WFDC6: variants seen among roughly 807,000 people sequenced by gnomAD.
The protein encoded by WFDC6 is WAP four-disulfide core domain protein 6.
In WFDC6, 10 loss-of-function variants were observed where a neutral mutation model predicts 8.2. The ratio of observed to expected loss-of-function variants is 1.22; its 90% CI spans 0.75 to 2.07. The LOEUF (loss-of-function observed/expected upper bound fraction) is 2.07. Ranked by LOEUF, WFDC6 falls within the 30% of genes most tolerant of loss-of-function variation. WFDC6 has a pLI of 0.00. For synonymous variants in WFDC6, 28 were observed against 37.0 expected, an observed-to-expected ratio of 0.76 and a Z score of 0.88; for missense variants, 105 against 104.9, an observed-to-expected ratio of 1.00 and a Z score of 0.00.
Position 45,534,515 on chromosome 20 carries a change from A to T in WFDC6, c.223-10T>A. 2 of 1,613,900 alleles carry T rather than the reference A, an allele frequency of 1.2e-6. No individual in the cohort carries two copies. The highest frequency in any genetic ancestry group is 1.7e-6 in the Non-Finnish European group (2 of 1,179,858). On this transcript the variant is annotated splice_polypyrimidine_tract_variant and intron_variant, in intron 2 of 2. Coordinates refer to ENST00000372670, the MANE Select transcript of WFDC6 (RefSeq NM_080827.2). ...ATAAAGTAAGGCTGACCTGTGAAGCAGAAGAATAAAGGGTGAGATGCTTGG... is the reference window on the plus strand; with the variant it reads ...ATAAAGTAAGGCTGACCTGTGAAGCTGAAGAATAAAGGGTGAGATGCTTGG...
At position 45,538,149 on chromosome 20, in the gene WFDC6, C is replaced by T. The variant is rs371008884; in HGVS notation, c.92-55G>A. 2.6e-4 allele frequency: 412 copies of T among 1,611,326 alleles called. No individual in the cohort carries two copies. In the African/African-American group the frequency reaches 4.0e-3, roughly 16 times the overall value. Reference sequence around the variant, plus strand: ...GGCCTTAAAGGAGCCAGTGCTCCCCCTCCCCGAGACCAGGGCACCCCTCCA... The same window carrying T: ...GGCCTTAAAGGAGCCAGTGCTCCCCTTCCCCGAGACCAGGGCACCCCTCCA... On this transcript the variant is annotated intron_variant, in intron 1 of 2. Coordinates refer to ENST00000372670, the MANE Select transcript of WFDC6 (RefSeq NM_080827.2).
intron 2 of WFDC6, 27 bp from the exon 3 acceptor site, chr20:45,534,532 G>A: frequency 6.2e-7 from 1 of 1,613,562 alleles, no homozygotes; most frequent in Non-Finnish European, 8.5e-7. Flanking sequence ...TAAAGGGTGA[G>A]ATGCTTGGAC....
chr20:45,539,253 T>C, intron 1 of WFDC6, 64 bp downstream of exon 1: 1 of 1,504,248 alleles, frequency 6.6e-7, no homozygotes. Flanking sequence ...AAAATTATTC[T>C]TTGTTCCTTC....
intron 2 of WFDC6, chr20:45,535,227 C>T (rs1290445527): frequency 8.4e-6 from 11 of 1,304,138 alleles, no homozygotes; most frequent in East Asian, 1.1e-4. Flanking sequence ...CCCTGGCTAC[C>T]GCCATAGATG....
At chr20:45,535,251 T>A in intron 2 of WFDC6, 11 of 1,304,214 alleles carry the variant, frequency 8.4e-6, no homozygotes, top group Non-Finnish European at 1.0e-5. Flanking sequence ...TCGGAGCAGA[T>A]CTTAGTTTTT....
chr20:45,539,251 T>C lies in WFDC6; in HGVS notation c.91+66A>G. 3 of 1,490,756 alleles carry C rather than the reference T, an allele frequency of 2.0e-6. No homozygotes were observed. In the Admixed American group the frequency reaches 5.1e-5, roughly 25 times the overall value. The allele number at this position is 1,490,756 out of a possible 1,614,324, so 92.3% of individuals were successfully genotyped here. A position where few individuals can be genotyped will look rare whatever the true frequency, so the allele number is the denominator to read the frequency against. On this transcript the variant is annotated intron_variant, in intron 1 of 2. Transcript: ENST00000372670. ...AATAATTTCTCAGCTGCAAAATTAT[T>C]CTTTGTTCCTTCCTCCCCACTGAGT... is the stretch of plus-strand genomic sequence containing the variant.
At chr20:45,539,247 T>G (rs2145545261) in intron 1 of WFDC6, 70 bp downstream of exon 1, 3 of 1,474,670 alleles carry the variant, frequency 2.0e-6, no homozygotes, top group Non-Finnish European at 2.8e-6. Flanking sequence ...AGCTGCAAAA[T>G]TATTCTTTGT....
At chr20:45,535,757 A>G (rs1979341322) in intron 2 of WFDC6, among the ~76,000 whole-genome samples, 1 of 152,198 alleles carries the variant, frequency 6.6e-6, no homozygotes, top group African/African-American at 2.4e-5. Context: ...GACTTCTCCA[A>G]TCTGCTCAAC....
chr20:45,534,858 G>C (rs988365248), intron 2 of WFDC6, among the ~76,000 whole-genome samples: 2 of 152,246 alleles, frequency 1.3e-5, no homozygotes, highest in African/African-American at 4.8e-5. Context: ...TATAATGATT[G>C]GCTGATGAAT....
intron 2 of WFDC6, chr20:45,537,567 G>A (rs1242821357): frequency 6.5e-7 from 1 of 1,549,670 alleles, no homozygotes. Flanking sequence ...AAAAAAGCCA[G>A]GAAATACAGA....
Position 45,539,370 on chromosome 20 carries a change from A to G in WFDC6, c.38T>C (p.Phe13Ser). Residue 13 changes from phenylalanine (F) to serine (S), a missense_variant, in exon 1 of 3, where the codon TTC becomes TCC. Coordinates refer to ENST00000372670, the MANE Select transcript of WFDC6 (RefSeq NM_080827.2). ...LSGLLPILVP[F>S]ILLGDIQEPG... ...TTCCTGGATGTCCCCCAAAAGGATG[A>G]ATGGTACCAGGATTGGCAGAAGTCC... 6.2e-7 allele frequency: 1 copy of G among 1,613,932 alleles called. No individual in the cohort carries two copies. Among genetic ancestry groups the G allele is most frequent in the Non-Finnish European group, 8.5e-7 (1 of 1,179,864 alleles).
At chr20:45,537,571 A>G (rs757404994) in intron 2 of WFDC6, 15 of 1,549,252 alleles carry the variant, frequency 9.7e-6, no homozygotes, top group Non-Finnish European at 3.5e-6. Context: ...AAGCCAGGAA[A>G]TACAGATTAT....
intron 2 of WFDC6, among the ~76,000 whole-genome samples, 198 bp downstream of exon 2, chr20:45,537,766 A>G (rs1201020556): frequency 6.6e-6 from 1 of 152,018 alleles, no homozygotes; most frequent in East Asian, 1.9e-4. Context: ...TGTTCACATC[A>G]CTTACCAAAA....
intron 2 of WFDC6, chr20:45,535,249 G>A: frequency 1.5e-6 from 2 of 1,304,274 alleles, no homozygotes; most frequent in Non-Finnish European, 2.0e-6. Flanking sequence ...ATTCGGAGCA[G>A]ATCTTAGTTT....
chr20:45,538,217 T>G (rs924747063), intron 1 of WFDC6, 123 bp from the exon 2 acceptor site: 6 of 1,531,860 alleles, frequency 3.9e-6, no homozygotes, highest in Non-Finnish European at 4.4e-6. Context: ...CCCCAGAAGG[T>G]AGTGGCCCTC....
intron 2 of WFDC6, 25 bp downstream of exon 2, chr20:45,537,939 G>A: frequency 1.2e-6 from 2 of 1,613,760 alleles, no homozygotes; most frequent in Non-Finnish European, 1.7e-6. Flanking sequence ...AGGGCACTGG[G>A]TAATTTAGGA....
At chr20:45,537,054 A>G (rs1337095401) in intron 2 of WFDC6, 1 of 164,742 alleles carries the variant, frequency 6.1e-6, no homozygotes, top group East Asian at 1.6e-4. Context: ...GTCAACCTAA[A>G]GTAACAAGAT....
In WFDC6 at chr20:45,539,328, C is replaced by A; in HGVS notation, c.80G>T (p.Gly27Val). Residue 27 changes from glycine (G) to valine (V), a missense_variant, in exon 1 of 3, where the codon GGC becomes GTC. By Grantham distance (109) the Gly-to-Val change is moderately radical. Coordinates refer to ENST00000372670, the MANE Select transcript of WFDC6 (RefSeq NM_080827.2). Reference sequence around the variant, plus strand: ...TTCCCAATACTTACTGCCAAGGATGCCTTCAGCGTGCCCAGGTTCCTGGAT... The same window carrying A: ...TTCCCAATACTTACTGCCAAGGATGACTTCAGCGTGCCCAGGTTCCTGGAT... ...GDIQEPGHAE[G>V]ILGKPCPKIK... The A allele has an allele frequency of 6.2e-7, 1 of 1,613,860 alleles. No homozygotes were observed.
intron 1 of WFDC6, among the ~76,000 whole-genome samples, chr20:45,538,453 A>G (rs1979458156): frequency 6.6e-6 from 1 of 152,182 alleles, no homozygotes; most frequent in Non-Finnish European, 1.5e-5. Context: ...TTCTGGCATC[A>G]GATAGCTGGG....
Sources: gnomAD v4.1 joint callset for allele counts (sites outside exome capture counted in the v4.1 genomes callset) on GRCh38, gnomAD v4.1.1 for gene constraint, MANE v1.5 for transcripts, NCBI Gene and HGNC (gene_info 2026-07-23, HGNC 2026-07-21) for gene names.